Variants in ALDH3A1 observed in about 807,000 individuals in gnomAD.
The protein encoded by ALDH3A1 is aldehyde dehydrogenase, dimeric NADP-preferring.
ALDH3A1 carries 46 observed loss-of-function variants against 49.9 expected under a neutral mutation model. The ratio of observed to expected loss-of-function variants is 0.92; its 90% CI spans 0.73 to 1.18. The LOEUF (loss-of-function observed/expected upper bound fraction) is 1.18, where lower values mean the gene tolerates loss of function less well. Among genes scored for constraint, ALDH3A1 ranks in the 50% most tolerant of loss-of-function variants. ALDH3A1 has a pLI of 0.00. For missense variants in ALDH3A1, 592 were observed against 611.8 expected, an observed-to-expected ratio of 0.97 and a Z score of 0.34; for synonymous variants, 269 against 253.3, an observed-to-expected ratio of 1.06 and a Z score of -0.59.
At chr17:19,744,901 G>GGCCCC in intron 2 of ALDH3A1, 67 bp downstream of exon 2, 48 of 434,620 alleles carry the variant, frequency 1.1e-4, no homozygotes, top group East Asian at 2.9e-4. Flanking sequence ...ACTCTCCCCA[G>GGCCCC]CCCCTCCCCC....
intron 1 of ALDH3A1, among the ~76,000 whole-genome samples, chr17:19,746,260 G>T (rs2086593297): frequency 6.6e-6 from 1 of 152,134 alleles, no homozygotes; most frequent in Non-Finnish European, 1.5e-5. Flanking sequence ...GTGGTGGCAG[G>T]CACCTGTAGT....
Position 19,745,118 on chromosome 17 carries a change from G to T in ALDH3A1, c.12C>A (p.Ile4=). 6.3e-7 allele frequency: 1 copy of T among 1,579,214 alleles called. No individual in the cohort carries two copies. The highest frequency in any genetic ancestry group is 8.6e-7 in the Non-Finnish European group (1 of 1,169,188). ...CGCGGGCGCGCTTCACGGCCTCGCT[G>T]ATCTTGCTCATGGCGCCTGGGGACA... is the stretch of plus-strand genomic sequence containing the variant. MSK[I]SEAVKRARAA... Residue 4 remains isoleucine (I), a synonymous_variant, in exon 2 of 11, where the codon ATC becomes ATA. Coordinates refer to ENST00000225740, the MANE Select transcript of ALDH3A1 (RefSeq NM_000691.5).
chr17:19,747,527 C>G lies in ALDH3A1; in HGVS notation c.-6+732G>C, dbSNP rs898431922. ...CGGGATTGGCCTTGCACCCCAGCAT[C>G]GCCACTTGGAACTGTGGTCTCTGGG... On this transcript the variant is annotated intron_variant, in intron 1 of 10. Transcript: ENST00000225740. 2.0e-5 allele frequency among the ~76,000 whole-genome samples: 3 copies of G among 152,322 alleles called. No homozygotes were observed. The South Asian group carries it at 6.2e-4, about 32-fold the overall frequency.
chr17:19,743,401 G>A lies in ALDH3A1; in HGVS notation c.225C>T (p.Ile75=). ...VYVLEEIEYM[I]QKLPEWAADE... ...CCGCGGCCCACTCAGGGAGCTTCTG[G>A]ATCATGTACTCGATCTCCTCTAGGA... Residue 75 remains isoleucine (I), a synonymous_variant, in exon 3 of 11, where the codon ATC becomes ATT. Coordinates refer to ENST00000225740, the MANE Select transcript of ALDH3A1 (RefSeq NM_000691.5). The surrounding 1 kb of genome is among the most constrained non-coding windows in gnomAD (Gnocchi z 4.4). 1 of 1,614,130 alleles carries A rather than the reference G, an allele frequency of 6.2e-7. No homozygotes were observed. The highest frequency in any genetic ancestry group is 8.5e-7 in the Non-Finnish European group (1 of 1,180,020).
At position 19,743,002 on chromosome 17, in the gene ALDH3A1, G is replaced by A; in HGVS notation, c.394+230C>T. 1 of 1,531,152 alleles carries A rather than the reference G, an allele frequency of 6.5e-7. No homozygotes were observed. Among genetic ancestry groups the A allele is most frequent in the Non-Finnish European group, 8.7e-7 (1 of 1,144,396 alleles). 94.8% of individuals were successfully genotyped at this position (1,531,152 alleles called of 1,614,324 possible). A position where few individuals can be genotyped will look rare whatever the true frequency, so the allele number is the denominator to read the frequency against. On this transcript the variant is annotated intron_variant, in intron 3 of 10. Coordinates refer to ENST00000225740, the MANE Select transcript of ALDH3A1 (RefSeq NM_000691.5). The surrounding 1 kb of genome is among the most constrained non-coding windows in gnomAD (Gnocchi z 4.4). ...GAAGCTCCAGCCCCCCAACAGGGGT[G>A]GGGGAAGGCAGGCCCTCTCTGTATC...
In ALDH3A1 at chr17:19,743,711, T is replaced by A. The variant is rs1335157064; in HGVS notation, c.163-248A>T. The A allele has an allele frequency of 4.1e-6, 4 of 982,714 alleles. No individual in the cohort carries two copies. In the Admixed American group the frequency reaches 2.5e-4, roughly 62 times the overall value. The allele number at this position is 982,714 out of a possible 1,614,324, so 60.9% of individuals were successfully genotyped here. On this transcript the variant is annotated intron_variant, in intron 2 of 10. Coordinates refer to ENST00000225740, the MANE Select transcript of ALDH3A1 (RefSeq NM_000691.5). This position sits in a 1 kb window ranked among gnomAD's most constrained non-coding sequence, Gnocchi z 4.4. ...TTGCGGCCCCAGGGGAGAGAGCCGG[T>A]GAAGGGACCAGGCATGGGCAACGGA...
At chr17:19,745,608 A>G (rs1225090103) in intron 1 of ALDH3A1, 1 of 153,594 alleles carries the variant, frequency 6.5e-6, no homozygotes, top group East Asian at 1.9e-4. Flanking sequence ...ATTGTTCTAA[A>G]AAGCGCTGGT....
rs1228159370 is a variant in ALDH3A1 at position 19,743,440 on chromosome 17, C to T, written c.186G>A (p.Glu62=). Residue 62 remains glutamate (E), a synonymous_variant, in exon 3 of 11, where the codon GAG becomes GAA. Coordinates refer to ENST00000225740, the MANE Select transcript of ALDH3A1 (RefSeq NM_000691.5). This position sits in a 1 kb window ranked among gnomAD's most constrained non-coding sequence, Gnocchi z 4.4. ...TCTCCTCTAGGACGTACACCACCTCCTCATAGTAGGCGTTCCATTCATTCT... is the reference window on the plus strand; with the variant it reads ...TCTCCTCTAGGACGTACACCACCTCTTCATAGTAGGCGTTCCATTCATTCT... ...LHKNEWNAYY[E]EVVYVLEEIE... 3 of 1,607,082 alleles carry T rather than the reference C, an allele frequency of 1.9e-6. No homozygotes were observed. The highest frequency in any genetic ancestry group is 2.6e-6 in the Non-Finnish European group (3 of 1,175,768).
chr17:19,744,737 G>A, intron 2 of ALDH3A1: 1 of 1,358,826 alleles, frequency 7.4e-7, no homozygotes, highest in Non-Finnish European at 9.4e-7. Context: ...GACGCTGCGG[G>A]CGGGACGCGG....
In ALDH3A1 at chr17:19,738,210, G is replaced by T; in HGVS notation, c.*11C>A. ...ACACAGTATGGCCAGGCCAGGCGGA[G>T]CAACCCCTCCTCAGTGCTGGGTCAT... On this transcript the variant is annotated 3_prime_UTR_variant, in exon 11 of 11. Transcript: ENST00000225740. The T allele has an allele frequency of 1.9e-6, 3 of 1,613,946 alleles. No homozygotes were observed. The highest frequency in any genetic ancestry group is 1.1e-5 in the South Asian group (1 of 91,076).
rs2086439258 is a variant in ALDH3A1, at chr17:19,739,001, C to T, written c.1211G>A (p.Gly404Asp). 6.2e-7 allele frequency: 1 copy of T among 1,613,094 alleles called. No individual in the cohort carries two copies. The highest frequency in any genetic ancestry group is 8.5e-7 in the Non-Finnish European group (1 of 1,179,830). ...AAGCTCAGCCCCAGACTCACCCACG[C>T]CCCCGAAGGGCAGAGAGTGCAAGGT... Reference protein sequence around the residue: ...HITLHSLPFGGVGNSGMGSYH... With the variant: ...HITLHSLPFGDVGNSGMGSYH... Residue 404 changes from glycine (G) to aspartate (D), a missense_variant, in exon 9 of 11, where the codon GGC becomes GAC. Gly to Asp is a moderately conservative substitution (Grantham distance 94). Coordinates refer to ENST00000225740, the MANE Select transcript of ALDH3A1 (RefSeq NM_000691.5).
chr17:19,739,250 G>A (rs145861787), intron 8 of ALDH3A1, among the ~76,000 whole-genome samples, 155 bp from the exon 9 acceptor site: 266 of 152,352 alleles, frequency 1.7e-3, no homozygotes, highest in African/African-American at 6.1e-3. Context: ...TGCAGACCGC[G>A]TGGCTGTCAG....
At chr17:19,746,684 C>CGT (rs61194657) in intron 1 of ALDH3A1, among the ~76,000 whole-genome samples, 8 of 137,294 alleles carry the variant, frequency 5.8e-5, no homozygotes, top group Admixed American at 1.4e-4. Flanking sequence ...TGTGCATGTG[C>CGT]GTGTGTGTGT....
rs1020578322 is a variant in ALDH3A1, at chr17:19,739,161, C to A, written c.1117-66G>T. On this transcript the variant is annotated intron_variant, in intron 8 of 10. Transcript: ENST00000225740. ...CAGGATGCCCCAGCCCCCAACCCGA[C>A]CCTGCCTGGGTATAGCCTGGAGCCA... The A allele has an allele frequency of 8.3e-6, 12 of 1,441,452 alleles. No homozygotes were observed. The South Asian group carries it at 9.6e-5, about 12-fold the overall frequency. 89.3% of individuals were successfully genotyped at this position (1,441,452 alleles called of 1,614,324 possible). A position where few individuals can be genotyped will look rare whatever the true frequency, so the allele number is the denominator to read the frequency against.
intron 1 of ALDH3A1, 163 bp from the exon 2 acceptor site, chr17:19,745,297 C>G: frequency 1.4e-6 from 1 of 718,742 alleles, no homozygotes; most frequent in South Asian, 2.3e-5. Flanking sequence ...TCCCGCCCCT[C>G]ACTCAGACGC....
At chr17:19,745,172 C>G in intron 1 of ALDH3A1, 38 bp from the exon 2 acceptor site, 1 of 1,525,730 alleles carries the variant, frequency 6.6e-7, no homozygotes, top group Admixed American at 1.9e-5. Flanking sequence ...CTGAGGGGCA[C>G]GAGCGCGCCC....
At position 19,738,338 on chromosome 17, in the gene ALDH3A1, G is replaced by T. The variant is rs370815018; in HGVS notation, c.1332C>A (p.Pro444=). 19 of 1,613,270 alleles carry T rather than the reference G, an allele frequency of 1.2e-5. No homozygotes were observed. Among genetic ancestry groups the T allele is most frequent in the Middle Eastern group, 3.3e-4 (2 of 6,062 alleles). ...MNDEGLKVRY[P]PSPAKMTQH ...CCCCTCTCACCTTGGCCGGGCTCGG[G>T]GGGTATCTGACCTTCAGGCCTTCAT... Residue 444 remains proline, a synonymous_variant, in exon 10 of 11, where the codon CCC becomes CCA. Transcript: ENST00000225740.
At chr17:19,746,731 G>T (rs140318101) in intron 1 of ALDH3A1, among the ~76,000 whole-genome samples, 4 of 151,598 alleles carry the variant, frequency 2.6e-5, no homozygotes, top group Admixed American at 2.6e-4. Context: ...GTGTGCGCGC[G>T]TGTGCGTGTG....
chr17:19,740,370 A>G lies in ALDH3A1; in HGVS notation c.915T>C (p.Tyr305=), dbSNP rs1222001216. ...GAGTGGCGGCATCCCCGGTGCCCCC[A>G]TAAGCCACCTTCTGGCCCTCAATCA... is the stretch of plus-strand genomic sequence containing the variant. ...MGLIEGQKVA[Y]GGTGDAATRY... The change falls in exon 7 of 11, where the codon TAT becomes TAC. Residue 305 remains tyrosine (Y), a synonymous_variant. Coordinates refer to ENST00000225740, the MANE Select transcript of ALDH3A1 (RefSeq NM_000691.5). 6.2e-7 allele frequency: 1 copy of G among 1,613,920 alleles called. No individual in the cohort carries two copies. Among genetic ancestry groups the G allele is most frequent in the African/African-American group, 1.3e-5 (1 of 74,912 alleles).
Sources: allele counts gnomAD v4.1 joint callset (sites outside exome capture counted in the v4.1 genomes callset), GRCh38; gene constraint gnomAD v4.1.1; non-coding constraint Gnocchi (gnomAD v3.1); transcripts MANE v1.5; gene names NCBI Gene and HGNC (gene_info 2026-07-23, HGNC 2026-07-21).